The following EXT1 variants were observed in gnomAD, a reference collection of about 807,000 sequenced individuals.
EXT1 encodes exostosin-1.
EXT1 carries 20 observed loss-of-function variants against 82.5 expected under a neutral mutation model. The observed-to-expected ratio is 0.24, with a 90% confidence interval of 0.17 to 0.35. The LOEUF (loss-of-function observed/expected upper bound fraction) is 0.35, where lower values mean the gene tolerates loss of function less well. Ranked by LOEUF, EXT1 falls within the 10% of genes least tolerant of loss-of-function variation. The pLI, the probability that EXT1 is intolerant of heterozygous loss-of-function variation, is 1.00. For missense variants in EXT1, 757 were observed against 936.5 expected (o/e 0.81, Z 2.50); for synonymous variants, 348 against 350.8 (o/e 0.99, Z 0.09).
intron 1 of EXT1, among the ~76,000 whole-genome samples, chr8:118,013,784 T>C (rs987055644): frequency 1.3e-5 from 2 of 152,238 alleles, no homozygotes; most frequent in Admixed American, 6.5e-5. Context: ...TAAATGTAAG[T>C]ATGTTCAAAT....
At position 117,897,591 on chromosome 8, in the gene EXT1, C is replaced by CTTTTTTTTTTTTTTTT. The variant is rs34963536; in HGVS notation, c.963-60406_963-60391dup. 8.4e-4 allele frequency among the ~76,000 whole-genome samples: 76 copies of CTTTTTTTTTTTTTTTT among 90,688 alleles called. 2 individuals carry two copies. Among genetic ancestry groups the CTTTTTTTTTTTTTTTT allele is most frequent in the African/African-American group, 2.9e-3 (66 of 22,894 alleles). 59.5% of individuals were successfully genotyped at this position (90,688 alleles called of 152,430 possible). ...TAGCCCATTGCCGGGCTTCTTTTCT[C>CTTTTTTTTTTTTTTTT]TTTTTTTTTTTTTTTTTTTTTGAGA... is the stretch of plus-strand genomic sequence containing the variant. On this transcript the variant is annotated intron_variant, in intron 1 of 10. Transcript: ENST00000378204.
At chr8:117,887,278 G>A (rs1813162894) in intron 1 of EXT1, among the ~76,000 whole-genome samples, 1 of 152,124 alleles carries the variant, frequency 6.6e-6, no homozygotes, top group Non-Finnish European at 1.5e-5. Context: ...CTTGACTAAG[G>A]CAGGAGAAAT....
At chr8:118,051,891 T>C (rs1816724070) in intron 1 of EXT1, among the ~76,000 whole-genome samples, 1 of 152,176 alleles carries the variant, frequency 6.6e-6, no homozygotes, top group Admixed American at 6.5e-5. Context: ...CATAACCTCA[T>C]TTTGAAGTCA....
chr8:117,984,644 C>T (rs1815278241), intron 1 of EXT1, among the ~76,000 whole-genome samples: 1 of 152,050 alleles, frequency 6.6e-6, no homozygotes, highest in Admixed American at 6.6e-5. Context: ...GAACAAGCAT[C>T]TGGTGAACAT....
At position 118,110,494 on chromosome 8, in the gene EXT1, T is replaced by C; in HGVS notation, c.553A>G (p.Asn185Asp). Residue 185 changes from asparagine (N) to aspartate (D), a missense_variant, in exon 1 of 11, where the codon AAC becomes GAC. By Grantham distance (23) the Asn-to-Asp change is conservative (BLOSUM62 1). Transcript: ENST00000378204. ...RSKVQSLHLW[N>D]NGRNHLIFNL... ...AAAATTAAATGATTCCTACCATTGT[T>C]CCACAAGTGGAGACTCTGCACTTTG... The C allele has an allele frequency of 1.2e-6, 2 of 1,614,154 alleles. No individual in the cohort carries two copies. Among genetic ancestry groups the C allele is most frequent in the Non-Finnish European group, 1.7e-6 (2 of 1,180,026 alleles).
intron 1 of EXT1, among the ~76,000 whole-genome samples, chr8:117,908,543 T>C (rs980934430): frequency 2.0e-5 from 3 of 151,842 alleles, no homozygotes; most frequent in African/African-American, 7.3e-5. Flanking sequence ...GGCAGGAGAA[T>C]CACTTGAACT....
intron 8 of EXT1, among the ~76,000 whole-genome samples, chr8:117,809,691 A>G (rs1460053242): frequency 6.6e-6 from 1 of 151,958 alleles, no homozygotes; most frequent in African/African-American, 2.4e-5. Flanking sequence ...AACCGACATT[A>G]AGAAAGCTTG....
chr8:117,878,930 C>T (rs772547509), intron 1 of EXT1, among the ~76,000 whole-genome samples: 1 of 152,214 alleles, frequency 6.6e-6, no homozygotes, highest in Non-Finnish European at 1.5e-5. Flanking sequence ...CATGGTGAGA[C>T]CCACGCTGTA....
At chr8:117,979,379 C>CAAA in intron 1 of EXT1, among the ~76,000 whole-genome samples, 1 of 116,206 alleles carries the variant, frequency 8.6e-6, no homozygotes, top group South Asian at 3.2e-4. Context: ...AACAAACAAA[C>CAAA]AAAAAAACAA....
At position 117,797,616 on chromosome 8, in the gene EXT1, A is replaced by G. The variant is rs1161505065; in HGVS notation, c.*2096T>C. 4.6e-5 allele frequency: 7 copies of G among 152,234 alleles called. No homozygotes were observed. The highest frequency in any genetic ancestry group is 1.7e-4 in the African/African-American group (7 of 41,454). The allele number at this position is 152,234 out of a possible 1,614,324, so 9.4% of individuals were successfully genotyped here. ...GCCAATCCTGAAAAAAATAATTTAA[A>G]TACAAATTCACAAAGGCCAAATGAA... On this transcript the variant is annotated 3_prime_UTR_variant, in exon 11 of 11. Transcript: ENST00000378204.
At chr8:117,865,637 ATTAT>A (rs989314695) in intron 1 of EXT1, among the ~76,000 whole-genome samples, 1 of 152,140 alleles carries the variant, frequency 6.6e-6, no homozygotes, top group African/African-American at 2.4e-5. Flanking sequence ...TATAGATAAG[ATTAT>A]TTATTTCTGA....
Position 117,819,575 on chromosome 8 carries a change from C to G in EXT1, c.1536+101G>C. On this transcript the variant is annotated intron_variant, in intron 6 of 10. Transcript: ENST00000378204. ...AGCAGGGTATGATGTTAGAGAAGTC[C>G]CGGGGAGCCTGGGGAGCCCGGGGGA... 4.3e-6 allele frequency: 4 copies of G among 931,728 alleles called. No individual in the cohort carries two copies. The South Asian group carries it at 5.2e-5, about 12-fold the overall frequency. 57.7% of individuals were successfully genotyped at this position (931,728 alleles called of 1,614,324 possible). A position where few individuals can be genotyped will look rare whatever the true frequency, so the allele number is the denominator to read the frequency against.
intron 1 of EXT1, among the ~76,000 whole-genome samples, chr8:118,062,015 A>ACTT (rs1442814645): frequency 6.6e-6 from 1 of 152,224 alleles, no homozygotes; most frequent in Non-Finnish European, 1.5e-5. Context: ...TCCACAGGAA[A>ACTT]CTTAGAGAGA....
chr8:117,957,397 A>G (rs942431354), intron 1 of EXT1, among the ~76,000 whole-genome samples: 2 of 152,252 alleles, frequency 1.3e-5, no homozygotes, highest in African/African-American at 4.8e-5. Flanking sequence ...ATAAGCATCC[A>G]ATAACTCCCT....
intron 2 of EXT1, 63 bp downstream of exon 2, chr8:117,837,045 T>C: frequency 8.7e-7 from 1 of 1,153,426 alleles, no homozygotes; most frequent in East Asian, 2.3e-5. Context: ...GTGATAATGT[T>C]AAACCCACTT....
chr8:117,800,072 T>C (rs1823142884), intron 10 of EXT1, among the ~76,000 whole-genome samples, 175 bp from the exon 11 acceptor site: 1 of 152,156 alleles, frequency 6.6e-6, no homozygotes, highest in Non-Finnish European at 1.5e-5. Context: ...TATTGGTTTT[T>C]CCCAAGGTAT....
intron 1 of EXT1, among the ~76,000 whole-genome samples, chr8:117,887,585 C>T (rs967383332): frequency 1.3e-5 from 2 of 152,030 alleles, no homozygotes; most frequent in East Asian, 1.9e-4. Flanking sequence ...CTCTTGACCT[C>T]GTGATCTGCC....
At chr8:118,016,576 A>C (rs1486325768) in intron 1 of EXT1, among the ~76,000 whole-genome samples, 6 of 152,222 alleles carry the variant, frequency 3.9e-5, no homozygotes, top group African/African-American at 1.4e-4. Flanking sequence ...CAAAGAATTT[A>C]GTCTGGTGGG....
At chr8:118,003,403 A>T (rs1563626342) in intron 1 of EXT1, among the ~76,000 whole-genome samples, 3 of 114,844 alleles carry the variant, frequency 2.6e-5, no homozygotes, top group Admixed American at 9.4e-5. Flanking sequence ...CTATTGAAAT[A>T]AAAAAAAATT....
Sources: allele counts gnomAD v4.1 joint callset (sites outside exome capture counted in the v4.1 genomes callset), GRCh38; gene constraint gnomAD v4.1.1; transcripts MANE v1.5; gene names NCBI Gene and HGNC (gene_info 2026-07-23, HGNC 2026-07-21).